KHDRBS2: variants seen among roughly 807,000 people sequenced by gnomAD.
KHDRBS2 encodes the protein KH domain-containing, RNA-binding, signal transduction-associated protein 2.
KHDRBS2 carries 26 observed loss-of-function variants against 44.3 expected under a neutral mutation model. The observed-to-expected ratio is 0.59, with a 90% CI of 0.43 to 0.81. KHDRBS2 has a LOEUF of 0.81. Ranked by LOEUF, KHDRBS2 falls within the 40% of genes least tolerant of loss-of-function variation. KHDRBS2 has a pLI of 0.00. For synonymous variants in KHDRBS2, 194 were observed against 151.1 expected, an observed-to-expected ratio of 1.28 and a Z score of -2.08; for missense variants, 476 against 433.1, an observed-to-expected ratio of 1.10 and a Z score of -0.88.
At chr6:61,918,155 T>G (rs1349166176) in intron 4 of KHDRBS2, among the ~76,000 whole-genome samples, 1 of 152,014 alleles carries the variant, frequency 6.6e-6, no homozygotes, top group African/African-American at 2.4e-5. Context: ...GAAAACACTT[T>G]CAATGGCTTG....
intron 5 of KHDRBS2, among the ~76,000 whole-genome samples, chr6:61,899,366 T>C (rs1229423074): frequency 6.6e-6 from 1 of 151,960 alleles, no homozygotes; most frequent in African/African-American, 2.4e-5. Context: ...CTTTCGTTAA[T>C]GCTAGCACCA....
intron 6 of KHDRBS2, among the ~76,000 whole-genome samples, chr6:61,749,811 G>C (rs1777402928): frequency 6.6e-6 from 1 of 152,076 alleles, no homozygotes. Flanking sequence ...AATACTTCTT[G>C]ACTCTGCACA....
chr6:61,722,997 C>G (rs540319161), intron 7 of KHDRBS2, among the ~76,000 whole-genome samples: 1 of 152,048 alleles, frequency 6.6e-6, no homozygotes, highest in Non-Finnish European at 1.5e-5. Flanking sequence ...GCATGAGCTG[C>G]GGCGAGGAAG....
intron 1 of KHDRBS2, among the ~76,000 whole-genome samples, chr6:62,248,290 T>A (rs111527317): frequency 0.017 from 2,516 of 145,998 alleles, 63 homozygotes; most frequent in African/African-American, 0.055. Flanking sequence ...TGTGGTATTT[T>A]AAAAAAAAAA....
chr6:61,620,783 C>G, the KHDRBS2 span, among the ~76,000 whole-genome samples: 7 of 152,314 alleles, frequency 4.6e-5, no homozygotes, highest in East Asian at 1.4e-3. Context: ...CTGGGCTACT[C>G]CTGCCCAATG....
At chr6:62,212,896 G>A (rs1452041964) in intron 1 of KHDRBS2, among the ~76,000 whole-genome samples, 1 of 152,064 alleles carries the variant, frequency 6.6e-6, no homozygotes. Context: ...GGGGGAGAGA[G>A]GGAAGGGGGT....
chr6:61,545,497 A>G, the KHDRBS2 span, among the ~76,000 whole-genome samples: 4 of 76,750 alleles, frequency 5.2e-5, no homozygotes, highest in Non-Finnish European at 1.0e-4. Flanking sequence ...TTTTTAGCTA[A>G]TCTCTGTGTG....
chr6:62,241,540 A>G (rs538256129), intron 1 of KHDRBS2, among the ~76,000 whole-genome samples: 1 of 152,062 alleles, frequency 6.6e-6, no homozygotes, highest in Non-Finnish European at 1.5e-5. Flanking sequence ...TTTTTTTCCC[A>G]GCAATGCTCA....
chr6:62,163,824 A>G (rs1188796076), intron 2 of KHDRBS2, among the ~76,000 whole-genome samples: 1 of 151,990 alleles, frequency 6.6e-6, no homozygotes, highest in Non-Finnish European at 1.5e-5. Context: ...TACTTCAGAA[A>G]AGAAAATAGC....
intron 3 of KHDRBS2, among the ~76,000 whole-genome samples, chr6:62,008,419 T>A (rs2127266648): frequency 6.6e-6 from 1 of 152,312 alleles, no homozygotes; most frequent in Admixed American, 6.5e-5. Context: ...AGGAATAAAA[T>A]ATATATGTAC....
At chr6:62,066,900 T>C (rs1231489145) in intron 2 of KHDRBS2, among the ~76,000 whole-genome samples, 1 of 151,654 alleles carries the variant, frequency 6.6e-6, no homozygotes, top group East Asian at 1.9e-4. Flanking sequence ...TGTTGTTTAT[T>C]ATTTTATTGC....
At chr6:61,547,123 C>A in the KHDRBS2 span, among the ~76,000 whole-genome samples, 2 of 152,050 alleles carry the variant, frequency 1.3e-5, no homozygotes, top group African/African-American at 4.8e-5. Flanking sequence ...CAGAGAAAAT[C>A]TACACAGATA....
At chr6:62,234,565 T>C (rs1585333501) in intron 1 of KHDRBS2, among the ~76,000 whole-genome samples, 1 of 152,038 alleles carries the variant, frequency 6.6e-6, no homozygotes, top group Non-Finnish European at 1.5e-5. Flanking sequence ...TTTAAAAATA[T>C]AAAAATGTTG....
chr6:61,869,774 T>C (rs1463855711), intron 6 of KHDRBS2, among the ~76,000 whole-genome samples: 1 of 152,032 alleles, frequency 6.6e-6, no homozygotes, highest in African/African-American at 2.4e-5. Context: ...TTCTCTCCCC[T>C]ACCCAATGGA....
At chr6:61,571,381 T>C in the KHDRBS2 span, among the ~76,000 whole-genome samples, 1 of 152,122 alleles carries the variant, frequency 6.6e-6, no homozygotes, top group African/African-American at 2.4e-5. Flanking sequence ...ACAATCTAAA[T>C]ATATATGCAC....
At chr6:62,185,641 T>C (rs1317970896) in intron 1 of KHDRBS2, among the ~76,000 whole-genome samples, 1 of 152,014 alleles carries the variant, frequency 6.6e-6, no homozygotes, top group Non-Finnish European at 1.5e-5. Flanking sequence ...AATTTAAATA[T>C]GATCCAGGCA....
chr6:61,854,208 A>T (rs906800223), intron 6 of KHDRBS2, among the ~76,000 whole-genome samples: 2 of 151,580 alleles, frequency 1.3e-5, no homozygotes, highest in African/African-American at 2.4e-5. Context: ...AATACTTGAA[A>T]TTTTTTTTCT....
At chr6:62,069,353 C>T (rs879579480) in intron 2 of KHDRBS2, among the ~76,000 whole-genome samples, 4 of 151,726 alleles carry the variant, frequency 2.6e-5, no homozygotes, top group Non-Finnish European at 5.9e-5. Context: ...GTTTATCCAA[C>T]CGTAAGTTTA....
At chr6:61,554,330 GT>G in the KHDRBS2 span, among the ~76,000 whole-genome samples, 9 of 148,758 alleles carry the variant, frequency 6.1e-5, no homozygotes, top group Middle Eastern at 3.4e-3. Flanking sequence ...AGCAACCCCT[GT>G]TTTTTTTTCG....
Sources: gnomAD v4.1 joint callset for allele counts (sites outside exome capture counted in the v4.1 genomes callset) on GRCh38, gnomAD v4.1.1 for gene constraint, MANE v1.5 for transcripts, NCBI Gene and HGNC (gene_info 2026-07-23, HGNC 2026-07-21) for gene names.